NCAM2: variants seen among roughly 807,000 people sequenced by gnomAD.
NCAM2 encodes neural cell adhesion molecule 2, also known as N-CAM-2.
In NCAM2, 30 loss-of-function variants were observed where a neutral mutation model predicts 98.1. That is an observed-to-expected ratio of 0.31 (90% CI 0.23 to 0.41). The LOEUF is 0.41. NCAM2 is among the 10% of genes least tolerant of loss of function. The pLI is 1.00. For synonymous variants in NCAM2, 368 were observed against 342.4 expected (o/e 1.07, Z -0.83); for missense variants, 867 against 1,005.8 (o/e 0.86, Z 1.87).
chr21:21,352,470 A>G (rs1164163311), intron 8 of NCAM2, among the ~76,000 whole-genome samples: 2 of 152,020 alleles, frequency 1.3e-5, no homozygotes, highest in African/African-American at 4.8e-5. Context: ...TGATCAATAA[A>G]TGTTAGTATA....
chr21:21,520,870 A>G (rs1395814979), intron 16 of NCAM2, among the ~76,000 whole-genome samples: 1 of 151,490 alleles, frequency 6.6e-6, no homozygotes, highest in African/African-American at 2.5e-5. Flanking sequence ...CTGTGAGTTG[A>G]AAACTCCAGG....
intron 1 of NCAM2, among the ~76,000 whole-genome samples, chr21:21,252,133 A>G (rs765716728): frequency 9.9e-5 from 15 of 152,132 alleles, no homozygotes; most frequent in Non-Finnish European, 1.6e-4. Flanking sequence ...AGAAATGCAA[A>G]TCAAAACCAC....
At chr21:21,173,923 A>G (rs1037047672) in intron 1 of NCAM2, among the ~76,000 whole-genome samples, 2 of 151,902 alleles carry the variant, frequency 1.3e-5, no homozygotes, top group African/African-American at 4.8e-5. Context: ...AGAGGTTTAA[A>G]TAAAACCTGT....
chr21:21,347,334 AC>A (rs2075218016), intron 8 of NCAM2, among the ~76,000 whole-genome samples: 2 of 151,998 alleles, frequency 1.3e-5, no homozygotes, highest in African/African-American at 4.8e-5. Flanking sequence ...TTTATATAGA[AC>A]CCCAAAAGAC....
At chr21:21,104,813 GTTA>G (rs1441787977) in intron 1 of NCAM2, among the ~76,000 whole-genome samples, 1 of 152,120 alleles carries the variant, frequency 6.6e-6, no homozygotes, top group African/African-American at 2.4e-5. Flanking sequence ...TTGATGGTCT[GTTA>G]CTTCTGAGAT....
At chr21:21,443,796 A>T (rs1979673340) in intron 12 of NCAM2, among the ~76,000 whole-genome samples, 1 of 152,170 alleles carries the variant, frequency 6.6e-6, no homozygotes, top group Non-Finnish European at 1.5e-5. Flanking sequence ...CAAGGTGTTT[A>T]TCCTGCAGCA....
intron 1 of NCAM2, among the ~76,000 whole-genome samples, chr21:21,107,356 A>T (rs1202427170): frequency 6.6e-6 from 1 of 152,038 alleles, no homozygotes; most frequent in South Asian, 2.1e-4. Flanking sequence ...CAATGAAATC[A>T]TTTCCTCAAA....
intron 8 of NCAM2, among the ~76,000 whole-genome samples, chr21:21,362,502 C>G (rs1304413515): frequency 6.6e-6 from 1 of 151,984 alleles, no homozygotes; most frequent in Non-Finnish European, 1.5e-5. Context: ...AACCAATCCT[C>G]CCACCTCAGC....
In NCAM2 at chr21:21,028,035, G is replaced by T. The variant is rs200853209; in HGVS notation, c.55+29417G>T. 8.4e-4 allele frequency among the ~76,000 whole-genome samples: 128 copies of T among 151,958 alleles called. 3 individuals are homozygous for T. The East Asian group carries it at 0.022, about 27-fold the overall frequency. On this transcript the variant is annotated intron_variant, in intron 1 of 17. Coordinates refer to ENST00000400546, the MANE Select transcript of NCAM2 (RefSeq NM_004540.5). The stretch of plus-strand genomic sequence containing the variant: ...GGCTCCACCACACCCAGCTAATTTT[G>T]TATTTTTAGTAGAGATGGGATTCCT...
At chr21:21,437,882 G>C (rs373410477) in intron 12 of NCAM2, among the ~76,000 whole-genome samples, 1 of 150,576 alleles carries the variant, frequency 6.6e-6, no homozygotes, top group South Asian at 2.1e-4. Context: ...AGATATTGTT[G>C]AAAATTAGAA....
At chr21:21,162,048 A>G (rs2067802144) in intron 1 of NCAM2, among the ~76,000 whole-genome samples, 1 of 152,092 alleles carries the variant, frequency 6.6e-6, no homozygotes, top group African/African-American at 2.4e-5. Flanking sequence ...GGGATTCTAT[A>G]CTAGGATCTT....
intron 1 of NCAM2, among the ~76,000 whole-genome samples, chr21:21,066,525 T>G (rs73220222): frequency 0.17 from 26,459 of 152,108 alleles, 2,525 homozygotes; most frequent in Non-Finnish European, 0.19. Context: ...AGCTAAAAAA[T>G]GATGTAGCTG....
chr21:21,324,587 A>T (rs1341579826), intron 6 of NCAM2, 87 bp downstream of exon 6: 6 of 954,848 alleles, frequency 6.3e-6, no homozygotes, highest in Non-Finnish European at 9.5e-6. Flanking sequence ...TTTGGTAAAA[A>T]GCAAACCATT....
chr21:21,525,057 G>T (rs2146399739), intron 16 of NCAM2, among the ~76,000 whole-genome samples: 1 of 152,170 alleles, frequency 6.6e-6, no homozygotes, highest in Non-Finnish European at 1.5e-5. Flanking sequence ...TAGAATATAA[G>T]AAAGATTTAA....
At position 21,448,043 on chromosome 21, in the gene NCAM2, C is replaced by T. The variant is rs185982648; in HGVS notation, c.1654+15762C>T. On this transcript the variant is annotated intron_variant, in intron 12 of 17. Transcript: ENST00000400546. ...ACTGGACCCAGCAATCCCATTACTG[C>T]ATATATACCCAAAGGAATAAAAATT... Among the ~76,000 whole-genome samples, 511 of 152,074 alleles carry T rather than the reference C, an allele frequency of 3.4e-3. 13 individuals carry two copies. The highest frequency in any genetic ancestry group is 0.032 in the Admixed American group (489 of 15,250).
intron 1 of NCAM2, among the ~76,000 whole-genome samples, chr21:21,059,054 A>G (rs1396777819): frequency 6.6e-6 from 1 of 152,112 alleles, no homozygotes; most frequent in Non-Finnish European, 1.5e-5. Flanking sequence ...TTTTCTTTTA[A>G]AGCAACAAGT....
intron 12 of NCAM2, among the ~76,000 whole-genome samples, chr21:21,450,743 A>G (rs1001372344): frequency 6.6e-6 from 1 of 151,346 alleles, no homozygotes; most frequent in Non-Finnish European, 1.5e-5. Context: ...ACAGTCATGC[A>G]TGAATTTGTG....
chr21:21,369,741 G>T (rs1390716800), intron 8 of NCAM2, among the ~76,000 whole-genome samples: 1 of 151,620 alleles, frequency 6.6e-6, no homozygotes, highest in African/African-American at 2.4e-5. Context: ...TCTTTCTTTT[G>T]CTTGGGTACT....
chr21:21,206,926 A>G (rs2069458165), intron 1 of NCAM2, among the ~76,000 whole-genome samples: 1 of 152,154 alleles, frequency 6.6e-6, no homozygotes, highest in Non-Finnish European at 1.5e-5. Flanking sequence ...AACTGTAAGC[A>G]AATAATTTGC....
Sources: gnomAD v4.1 joint callset for allele counts (sites outside exome capture counted in the v4.1 genomes callset) on GRCh38, gnomAD v4.1.1 for gene constraint, MANE v1.5 for transcripts, NCBI Gene and HGNC (gene_info 2026-07-23, HGNC 2026-07-21) for gene names.